Variants in CFAP54 observed in about 807,000 individuals in gnomAD.
CFAP54 encodes the protein cilia and flagella associated protein 54.
In CFAP54, 290 loss-of-function variants were observed where a neutral mutation model predicts 370.4. The observed-to-expected ratio is 0.78, with a 90% confidence interval of 0.71 to 0.86. The LOEUF is 0.86. CFAP54 is among the 40% of genes least tolerant of loss of function. The pLI is 0.00. For missense variants in CFAP54, 3,399 were observed against 3,528.7 expected (o/e 0.96, Z 0.93); for synonymous variants, 1,206 against 1,236.5 (o/e 0.98, Z 0.52).
At chr12:96,861,587 C>G (rs1407529732) in intron 67 of CFAP54, among the ~76,000 whole-genome samples, 1 of 152,168 alleles carries the variant, frequency 6.6e-6, no homozygotes, top group Admixed American at 6.5e-5. Context: ...AGAGTGCCAG[C>G]TTTAGAATTG....
intron 38 of CFAP54, among the ~76,000 whole-genome samples, chr12:96,661,449 C>G (rs1401449831): frequency 6.6e-6 from 1 of 152,102 alleles, no homozygotes; most frequent in African/African-American, 2.4e-5. Context: ...TTGTGGAGGC[C>G]AGCTAAGCAA....
At chr12:96,722,308 C>T (rs1957766119) in intron 50 of CFAP54, among the ~76,000 whole-genome samples, 1 of 152,178 alleles carries the variant, frequency 6.6e-6, no homozygotes, top group South Asian at 2.1e-4. Flanking sequence ...ACATCTGAAC[C>T]ACATTTTGGG....
At chr12:96,631,859 T>C (rs1002947319) in intron 32 of CFAP54, among the ~76,000 whole-genome samples, 4 of 151,926 alleles carry the variant, frequency 2.6e-5, no homozygotes, top group African/African-American at 9.6e-5. Context: ...TGTCTCCTTA[T>C]GTATGTGTGA....
In CFAP54 at chr12:96,679,762, A is replaced by C; in HGVS notation, c.5716+10A>C. On this transcript the variant is annotated intron_variant, in intron 40 of 67. Transcript: ENST00000524981. ...CTTGCACAGACACAAGGTAAAATGC[A>C]TGTTCTGTATCTCTGAATCTTTCTT... 3.1e-6 allele frequency: 5 copies of C among 1,611,046 alleles called. No homozygotes were observed. The highest frequency in any genetic ancestry group is 4.2e-6 in the Non-Finnish European group (5 of 1,178,394).
intron 56 of CFAP54, 52 bp downstream of exon 56, chr12:96,753,950 T>C (rs1185472666): frequency 1.0e-5 from 16 of 1,568,030 alleles, no homozygotes; most frequent in Non-Finnish European, 1.4e-5. Flanking sequence ...AATTCTTTTT[T>C]CTGTCAACAA....
chr12:96,794,633 C>T (rs1958739393), intron 63 of CFAP54, among the ~76,000 whole-genome samples: 2 of 151,948 alleles, frequency 1.3e-5, no homozygotes, highest in South Asian at 2.1e-4. Flanking sequence ...AAGATTTTTC[C>T]ATCCATATCT....
At chr12:96,839,759 G>A (rs1210353809) in intron 66 of CFAP54, among the ~76,000 whole-genome samples, 2 of 152,176 alleles carry the variant, frequency 1.3e-5, no homozygotes, top group Non-Finnish European at 1.5e-5. Context: ...GGCTGGAATT[G>A]CTGAAGGCTC....
intron 65 of CFAP54, among the ~76,000 whole-genome samples, chr12:96,825,324 T>A (rs1229358693): frequency 1.3e-4 from 16 of 126,918 alleles, no homozygotes; most frequent in Middle Eastern, 4.1e-3. Context: ...TAATATATAT[T>A]ATATAACATG....
At chr12:96,815,197 C>T (rs752780988) in intron 64 of CFAP54, among the ~76,000 whole-genome samples, 6 of 152,224 alleles carry the variant, frequency 3.9e-5, no homozygotes, top group Admixed American at 2.0e-4. Flanking sequence ...CCTGTTTTTC[C>T]GCATCCTCTC....
intron 36 of CFAP54, among the ~76,000 whole-genome samples, chr12:96,654,754 A>G (rs904504309): frequency 6.6e-6 from 1 of 150,522 alleles, no homozygotes; most frequent in Non-Finnish European, 1.5e-5. Context: ...TAACCTCCAT[A>G]TGTTCACATT....
At chr12:96,649,863 C>T (rs1476423950) in intron 34 of CFAP54, 28 bp from the exon 35 acceptor site, 3 of 1,452,572 alleles carry the variant, frequency 2.1e-6, no homozygotes, top group South Asian at 2.6e-5. Flanking sequence ...TGTTTTTAAT[C>T]ATGTCATATC....
At chr12:96,645,312 A>G (rs1287192914) in intron 33 of CFAP54, 1 of 342,074 alleles carries the variant, frequency 2.9e-6, no homozygotes, top group South Asian at 2.3e-5. Context: ...ATAACAGACA[A>G]ACAAAGAGCC....
At chr12:96,665,560 C>A (rs956658686) in intron 39 of CFAP54, among the ~76,000 whole-genome samples, 1 of 152,130 alleles carries the variant, frequency 6.6e-6, no homozygotes, top group African/African-American at 2.4e-5. Flanking sequence ...ATCCCAGCAC[C>A]ATTTATTGAA....
intron 63 of CFAP54, among the ~76,000 whole-genome samples, chr12:96,796,187 T>A (rs1958759998): frequency 1.3e-5 from 2 of 152,182 alleles, no homozygotes; most frequent in South Asian, 4.1e-4. Flanking sequence ...GTCAGTGGAT[T>A]CTCTCAGCTT....
chr12:96,776,030 T>G (rs1345431987), intron 60 of CFAP54, among the ~76,000 whole-genome samples: 2 of 152,154 alleles, frequency 1.3e-5, no homozygotes, highest in Non-Finnish European at 2.9e-5. Flanking sequence ...ATGTTTGATG[T>G]TATTATTTCA....
At chr12:96,761,837 T>C (rs1958342839) in intron 58 of CFAP54, among the ~76,000 whole-genome samples, 1 of 152,222 alleles carries the variant, frequency 6.6e-6, no homozygotes, top group African/African-American at 2.4e-5. Context: ...TCCTGTTTCA[T>C]TGACCTCTAA....
At chr12:96,644,547 T>G (rs1437735907) in intron 33 of CFAP54, 139 bp downstream of exon 33, 3 of 621,342 alleles carry the variant, frequency 4.8e-6, no homozygotes, top group Non-Finnish European at 8.2e-6. Flanking sequence ...TCTATTAGTC[T>G]GTTCTCACAC....
intron 62 of CFAP54, among the ~76,000 whole-genome samples, chr12:96,790,269 T>G (rs1654095265): frequency 6.6e-6 from 1 of 152,154 alleles, no homozygotes; most frequent in African/African-American, 2.4e-5. Context: ...GTGAGCTGCT[T>G]TATTGTTTAT....
chr12:96,522,246 T>C, intron 8 of CFAP54, 57 bp downstream of exon 8: 2 of 1,169,020 alleles, frequency 1.7e-6, no homozygotes, highest in Non-Finnish European at 2.4e-6. Context: ...ATTTGTATTA[T>C]GCTCCTATGT....
Sources: allele counts gnomAD v4.1 joint callset (sites outside exome capture counted in the v4.1 genomes callset), GRCh38; gene constraint gnomAD v4.1.1; transcripts MANE v1.5; gene names NCBI Gene and HGNC (gene_info 2026-07-23, HGNC 2026-07-21).